The following CKAP5 variants were observed in gnomAD, a reference collection of about 807,000 sequenced individuals.
The protein encoded by CKAP5 is cytoskeleton-associated protein 5.
CKAP5 carries 27 observed loss-of-function variants against 232.8 expected under a neutral mutation model. That is an observed-to-expected ratio of 0.12 (90% CI 0.09 to 0.16). The LOEUF (loss-of-function observed/expected upper bound fraction) is 0.16, where lower values mean the gene tolerates loss of function less well. CKAP5 is among the 10% of genes least tolerant of loss of function. CKAP5 has a pLI of 1.00. For synonymous variants in CKAP5, 785 were observed against 841.1 expected, an observed-to-expected ratio of 0.93 and a Z score of 1.16; for missense variants, 1,838 against 2,424.7, an observed-to-expected ratio of 0.76 and a Z score of 5.08.
Position 46,759,453 on chromosome 11 carries a change from C to G in CKAP5, c.4395-11G>C, listed in dbSNP as rs778114928. 1.9e-5 allele frequency: 31 copies of G among 1,607,502 alleles called. No individual in the cohort carries two copies. The highest frequency in any genetic ancestry group is 8.6e-5 in the Admixed American group (5 of 58,278). On this transcript the variant is annotated splice_polypyrimidine_tract_variant and intron_variant, in intron 33 of 43. Transcript: ENST00000529230. ...ATGCTTCGGGCTTGGCTAAGGGAAG[C>G]AAAAGGAGGCTCCTGAACTAAAAGA...
At chr11:46,831,861 CTTTTTT>C (rs71042624) in intron 1 of CKAP5, among the ~76,000 whole-genome samples, 54 of 119,038 alleles carry the variant, frequency 4.5e-4, no homozygotes, top group African/African-American at 1.6e-3. Context: ...TAAACTTATC[CTTTTTT>C]TTTTTTTTTT....
chr11:46,749,559 A>C (rs975647931), intron 42 of CKAP5, among the ~76,000 whole-genome samples: 1 of 152,100 alleles, frequency 6.6e-6, no homozygotes, highest in Non-Finnish European at 1.5e-5. Context: ...CTGGAGATTT[A>C]AATGTTATTT....
At chr11:46,763,380 G>A (rs2065172918) in intron 29 of CKAP5, 101 bp downstream of exon 29, 2 of 1,088,648 alleles carry the variant, frequency 1.8e-6, no homozygotes, top group African/African-American at 1.6e-5. Flanking sequence ...AGAGAACATA[G>A]TATATTCTAC....
chr11:46,760,008 G>T (rs1021033537), intron 33 of CKAP5, among the ~76,000 whole-genome samples: 9 of 152,142 alleles, frequency 5.9e-5, no homozygotes, highest in African/African-American at 2.2e-4. Flanking sequence ...ATTCAAGTTC[G>T]TTAAAATTAT....
chr11:46,806,810 G>A (rs940273498), intron 8 of CKAP5, among the ~76,000 whole-genome samples: 9 of 152,208 alleles, frequency 5.9e-5, no homozygotes, highest in Admixed American at 1.3e-4. Context: ...GACAAGTTCA[G>A]AGCTGTGAAC....
Position 46,809,359 on chromosome 11 carries a change from T to C in CKAP5, c.864+41A>G, listed in dbSNP as rs760096681. Reference sequence around the variant, plus strand: ...TATTCTAATTCTATTCAAGTAATTATTTTACAAGAAATAAATGAAAGAAGT... The same window carrying C: ...TATTCTAATTCTATTCAAGTAATTACTTTACAAGAAATAAATGAAAGAAGT... On this transcript the variant is annotated intron_variant, in intron 7 of 43. Transcript: ENST00000529230. The C allele has an allele frequency of 3.2e-5, 42 of 1,308,608 alleles. No individual in the cohort carries two copies. The East Asian group carries it at 5.1e-4, about 16-fold the overall frequency. 81.1% of individuals were successfully genotyped at this position (1,308,608 alleles called of 1,614,324 possible).
intron 17 of CKAP5, 47 bp downstream of exon 17, chr11:46,784,441 G>C: frequency 6.8e-7 from 1 of 1,467,526 alleles, no homozygotes; most frequent in East Asian, 2.3e-5. Flanking sequence ...AAAGTTTGGG[G>C]GAAAAAATTG....
chr11:46,824,996 A>G (rs1939620455), intron 1 of CKAP5, among the ~76,000 whole-genome samples: 1 of 152,240 alleles, frequency 6.6e-6, no homozygotes. Flanking sequence ...AAAGACAAGT[A>G]GGTCAGCTAA....
At chr11:46,826,100 G>A (rs1454625463) in intron 1 of CKAP5, among the ~76,000 whole-genome samples, 1 of 152,150 alleles carries the variant, frequency 6.6e-6, no homozygotes, top group Non-Finnish European at 1.5e-5. Context: ...CTCAAACTTT[G>A]GTGTGTTTGC....
intron 1 of CKAP5, among the ~76,000 whole-genome samples, chr11:46,835,973 C>A (rs1465012338): frequency 6.6e-6 from 1 of 152,144 alleles, no homozygotes; most frequent in South Asian, 2.1e-4. Context: ...TCCAAAAACA[C>A]GTAATTCTTG....
intron 7 of CKAP5, 65 bp downstream of exon 7, chr11:46,809,335 A>G: frequency 9.2e-7 from 1 of 1,082,962 alleles, no homozygotes; most frequent in Non-Finnish European, 1.4e-6. Flanking sequence ...TCAGCAGAGT[A>G]TTCTAATTCT....
intron 1 of CKAP5, among the ~76,000 whole-genome samples, chr11:46,830,175 C>T (rs1449033833): frequency 6.6e-6 from 1 of 151,912 alleles, no homozygotes; most frequent in Non-Finnish European, 1.5e-5. Flanking sequence ...GGCACGGTGG[C>T]TCACGCCTGC....
intron 4 of CKAP5, among the ~76,000 whole-genome samples, chr11:46,815,704 G>A (rs934842630): frequency 2.6e-5 from 4 of 152,202 alleles, no homozygotes; most frequent in Non-Finnish European, 4.4e-5. Flanking sequence ...GCTAAAATTA[G>A]TCAACATGAA....
At chr11:46,756,149 A>G (rs2065109478) in intron 35 of CKAP5, among the ~76,000 whole-genome samples, 1 of 152,188 alleles carries the variant, frequency 6.6e-6, no homozygotes, top group Admixed American at 6.5e-5. Context: ...ATAATAAGGC[A>G]TTGTTTATAT....
At chr11:46,750,645 A>G in intron 40 of CKAP5, 34 bp from the exon 41 acceptor site, 1 of 1,532,430 alleles carries the variant, frequency 6.5e-7, no homozygotes, top group Non-Finnish European at 9.0e-7. Context: ...AGAATTGGTT[A>G]GACTTGAGTT....
chr11:46,758,398 C>T (rs1204159671), intron 35 of CKAP5, among the ~76,000 whole-genome samples: 1 of 152,216 alleles, frequency 6.6e-6, no homozygotes, highest in Non-Finnish European at 1.5e-5. Context: ...TATATTTACA[C>T]AGTTGTTACA....
chr11:46,823,131 C>T (rs1466518114), intron 1 of CKAP5, among the ~76,000 whole-genome samples: 3 of 151,898 alleles, frequency 2.0e-5, no homozygotes, highest in East Asian at 1.9e-4. Flanking sequence ...CCACCATGCT[C>T]GGCTAATTTT....
intron 3 of CKAP5, among the ~76,000 whole-genome samples, chr11:46,816,786 ATT>A (rs397848056): frequency 0.62 from 78,549 of 127,424 alleles, 24,564 homozygotes; most frequent in Non-Finnish European, 0.7. Flanking sequence ...CTTGCTTTCA[ATT>A]TTTTTTTTTT....
chr11:46,813,066 C>A (rs1939313524), intron 4 of CKAP5, among the ~76,000 whole-genome samples: 1 of 152,070 alleles, frequency 6.6e-6, no homozygotes, highest in African/African-American at 2.4e-5. Flanking sequence ...ATCTTCCTGC[C>A]TCCTGAGTTG....
Sources: gnomAD v4.1 joint callset for allele counts (sites outside exome capture counted in the v4.1 genomes callset) on GRCh38, gnomAD v4.1.1 for gene constraint, MANE v1.5 for transcripts, NCBI Gene and HGNC (gene_info 2026-07-23, HGNC 2026-07-21) for gene names.